The following PTDSS1 variants were observed in gnomAD, a reference collection of about 807,000 sequenced individuals.
The protein encoded by PTDSS1 is PSS-1.
Under a neutral mutation model 70.5 loss-of-function variants are expected in PTDSS1, and 45 were observed. The ratio of observed to expected loss-of-function variants is 0.64; its 90% confidence interval spans 0.50 to 0.82. PTDSS1 has a LOEUF of 0.82. PTDSS1 is among the 40% of genes least tolerant of loss of function. The pLI is 0.00. For missense variants in PTDSS1, 417 were observed against 586.1 expected, an observed-to-expected ratio of 0.71 and a Z score of 2.98; for synonymous variants, 188 against 203.8, an observed-to-expected ratio of 0.92 and a Z score of 0.66.
intron 7 of PTDSS1, among the ~76,000 whole-genome samples, chr8:96,304,953 T>G (rs883655): frequency 1.3e-5 from 2 of 152,210 alleles, no homozygotes; most frequent in African/African-American, 2.4e-5. Flanking sequence ...TTAGGACAGA[T>G]GATCTTCCTT....
intron 8 of PTDSS1, among the ~76,000 whole-genome samples, chr8:96,308,751 TAATAA>T (rs1811163393): frequency 6.6e-6 from 1 of 152,252 alleles, no homozygotes; most frequent in Non-Finnish European, 1.5e-5. Flanking sequence ...TTTAACATAT[TAATAA>T]AATGGATTTT....
intron 11 of PTDSS1, 44 bp from the exon 12 acceptor site, chr8:96,330,982 G>T: frequency 6.5e-7 from 1 of 1,544,444 alleles, no homozygotes; most frequent in Non-Finnish European, 8.9e-7. Flanking sequence ...ACTTCTCCCA[G>T]GGAGTTCCTA....
At chr8:96,310,968 G>A (rs1811203794) in intron 9 of PTDSS1, among the ~76,000 whole-genome samples, 1 of 152,020 alleles carries the variant, frequency 6.6e-6, no homozygotes, top group African/African-American at 2.4e-5. Flanking sequence ...GTTTCACCAT[G>A]TTGGCCAGGA....
rs767758866 is a variant in PTDSS1 at position 96,333,658 on chromosome 8, C to T, written c.*92C>T. ...AACTCCCCGTGAGGAGGTCGAGGCG[C>T]ACAGGGCAAGCAGGAAGAGGCGAGG... On this transcript the variant is annotated 3_prime_UTR_variant, in exon 13 of 13. Transcript: ENST00000517309. The T allele has an allele frequency of 1.6e-4, 203 of 1,244,786 alleles. No individual in the cohort carries two copies. The highest frequency in any genetic ancestry group is 2.1e-4 in the Non-Finnish European group (181 of 848,576). The allele number at this position is 1,244,786 out of a possible 1,614,324, so 77.1% of individuals were successfully genotyped here.
intron 1 of PTDSS1, among the ~76,000 whole-genome samples, chr8:96,270,213 G>A (rs1322265041): frequency 2.0e-5 from 3 of 152,122 alleles, no homozygotes; most frequent in African/African-American, 7.2e-5. Context: ...CTGCTATAGA[G>A]TGTTACAAAG....
chr8:96,287,139 A>C lies in PTDSS1; in HGVS notation c.434A>C (p.Asp145Ala). 6.2e-7 allele frequency: 1 copy of C among 1,614,180 alleles called. No individual in the cohort carries two copies. The highest frequency in any genetic ancestry group is 8.5e-7 in the Non-Finnish European group (1 of 1,180,004). ...CTTCGATACGCCACAAGGGAAGCAGATGTCATGGTATGTACTTGTCAGTGG... is the reference window on the plus strand; with the variant it reads ...CTTCGATACGCCACAAGGGAAGCAGCTGTCATGGTATGTACTTGTCAGTGG... Reference protein sequence around the residue: ...PNLRYATREADVMEYAVNCHV... With the variant: ...PNLRYATREAAVMEYAVNCHV... The change falls in exon 4 of 13, where the codon GAT (aspartate) becomes GCT (alanine). Residue 145 changes from aspartate to alanine, a missense_variant. Transcript: ENST00000517309.
intron 2 of PTDSS1, among the ~76,000 whole-genome samples, chr8:96,283,018 C>T (rs1396025375): frequency 6.6e-6 from 1 of 152,246 alleles, no homozygotes; most frequent in East Asian, 1.9e-4. Flanking sequence ...GGGCTATGGT[C>T]TGCCCCAGTG....
chr8:96,333,677 G>A lies in PTDSS1; in HGVS notation c.*111G>A. 1.0e-6 allele frequency: 1 copy of A among 1,002,332 alleles called. No homozygotes were observed. Among genetic ancestry groups the A allele is most frequent in the Non-Finnish European group, 1.6e-6 (1 of 635,590 alleles). The allele number at this position is 1,002,332 out of a possible 1,614,324, so 62.1% of individuals were successfully genotyped here. ...GAGGCGCACAGGGCAAGCAGGAAGA[G>A]GCGAGGGCACTTGGGGGTCATTATT... On this transcript the variant is annotated 3_prime_UTR_variant, in exon 13 of 13. Coordinates refer to ENST00000517309, the MANE Select transcript of PTDSS1 (RefSeq NM_014754.3).
At chr8:96,302,531 C>T (rs1171951838) in intron 6 of PTDSS1, among the ~76,000 whole-genome samples, 1 of 152,194 alleles carries the variant, frequency 6.6e-6, no homozygotes, top group Non-Finnish European at 1.5e-5. Context: ...GGACACACAG[C>T]TAGCAAGCAG....
intron 1 of PTDSS1, 64 bp from the exon 2 acceptor site, chr8:96,273,231 TCTTC>T: frequency 8.6e-7 from 1 of 1,165,794 alleles, no homozygotes; most frequent in South Asian, 1.5e-5. Context: ...AACATGGAAA[TCTTC>T]CTTCCTCTAG....
At chr8:96,278,545 C>T (rs1320648381) in intron 2 of PTDSS1, among the ~76,000 whole-genome samples, 1 of 152,188 alleles carries the variant, frequency 6.6e-6, no homozygotes, top group Non-Finnish European at 1.5e-5. Flanking sequence ...CCCTCTTCGC[C>T]TCTTCAGTTC....
At position 96,333,132 on chromosome 8, in the gene PTDSS1, T is replaced by G. The variant is rs58891344; in HGVS notation, c.1313-325T>G. Among the ~76,000 whole-genome samples, 5,062 of 152,256 alleles carry G rather than the reference T, an allele frequency of 0.033. 268 individuals carry two copies. The highest frequency in any genetic ancestry group is 0.11 in the African/African-American group (4,749 of 41,532). ...TGGTGTGTGTTTTAATTGCCCCTCGTTTGGGCTTCCGTTTCACTTGTGCTC... is the reference window on the plus strand; with the variant it reads ...TGGTGTGTGTTTTAATTGCCCCTCGGTTGGGCTTCCGTTTCACTTGTGCTC... On this transcript the variant is annotated intron_variant, in intron 12 of 12. Transcript: ENST00000517309.
At position 96,284,166 on chromosome 8, in the gene PTDSS1, T is replaced by C; in HGVS notation, c.316+13T>C. The C allele has an allele frequency of 6.3e-7, 1 of 1,594,886 alleles. No individual in the cohort carries two copies. Among genetic ancestry groups the C allele is most frequent in the Non-Finnish European group, 8.6e-7 (1 of 1,163,846 alleles). ...CGAATGGTTTTTGGTGAGTTTATAT[T>C]AGCAATGTAAAAGGATGTTCTATTT... On this transcript the variant is annotated intron_variant, in intron 3 of 12. Coordinates refer to ENST00000517309, the MANE Select transcript of PTDSS1 (RefSeq NM_014754.3).
chr8:96,333,543 A>G lies in PTDSS1; in HGVS notation c.1399A>G (p.Thr467Ala). Residue 467 changes from threonine to alanine, a missense_variant, in exon 13 of 13, where the codon ACC becomes GCC. Physicochemically the swap from Thr to Ala is moderately conservative, Grantham distance 58. Coordinates refer to ENST00000517309, the MANE Select transcript of PTDSS1 (RefSeq NM_014754.3). ...GAATCGGCATTCCAAGTCAAAAGTC[A>G]CCAATGGCGTTGGAAAGAAATGAAA... is the stretch of plus-strand genomic sequence containing the variant. ...RRNRHSKSKV[T>A]NGVGKK is the part of the protein sequence containing the mutation. 6.2e-7 allele frequency: 1 copy of G among 1,612,020 alleles called. No homozygotes were observed. Among genetic ancestry groups the G allele is most frequent in the Non-Finnish European group, 8.5e-7 (1 of 1,178,126 alleles).
chr8:96,333,931 C>G lies in PTDSS1; in HGVS notation c.*365C>G, dbSNP rs772182320. ...CGTAAACATCTTCCTTCAGACGAGG[C>G]ATTAACCCCATGGTTAATGGACTGG... On this transcript the variant is annotated 3_prime_UTR_variant, in exon 13 of 13. Transcript: ENST00000517309. 84 of 578,066 alleles carry G rather than the reference C, an allele frequency of 1.5e-4. No homozygotes were observed. Among genetic ancestry groups the G allele is most frequent in the Non-Finnish European group, 2.0e-4 (64 of 324,892 alleles). 35.8% of individuals were successfully genotyped at this position (578,066 alleles called of 1,614,324 possible).
intron 10 of PTDSS1, among the ~76,000 whole-genome samples, chr8:96,326,302 C>T (rs1178313638): frequency 6.6e-6 from 1 of 152,186 alleles, no homozygotes. Context: ...GTAGATAGCT[C>T]CCTCCTTGGG....
chr8:96,333,483 G>T lies in PTDSS1; in HGVS notation c.1339G>T (p.Ala447Ser). ...KGSEDSPPKH[A>S]GNNESHSSRR... The stretch of plus-strand genomic sequence containing the variant: ...TTCTGAAGACAGCCCACCCAAGCAT[G>T]CAGGCAACAACGAAAGCCATTCTTC... The change falls in exon 13 of 13, where the codon GCA becomes TCA. Residue 447 changes from alanine to serine, a missense_variant. Around this residue, in one of 3 missense-constraint regions of PTDSS1, gnomAD observed 107 missense variants for 122.3 expected, o/e 0.88. Transcript: ENST00000517309. 6.2e-7 allele frequency: 1 copy of T among 1,613,998 alleles called. No individual in the cohort carries two copies. Among genetic ancestry groups the T allele is most frequent in the South Asian group, 1.1e-5 (1 of 91,084 alleles).
chr8:96,295,360 C>A, intron 5 of PTDSS1, 104 bp downstream of exon 5: 3 of 1,262,758 alleles, frequency 2.4e-6, no homozygotes, highest in East Asian at 2.7e-5. Context: ...TTCTCCAGCC[C>A]CTGTGGTACA....
chr8:96,280,314 G>A (rs1810717089), intron 2 of PTDSS1, among the ~76,000 whole-genome samples: 1 of 152,174 alleles, frequency 6.6e-6, no homozygotes, highest in South Asian at 2.1e-4. Context: ...TCGAGGTCAG[G>A]AGTTTGAGAC....
Sources: allele counts gnomAD v4.1 joint callset (sites outside exome capture counted in the v4.1 genomes callset), GRCh38; gene constraint gnomAD v4.1.1; regional missense constraint gnomAD v4.1.1; transcripts MANE v1.5; gene names NCBI Gene and HGNC (gene_info 2026-07-23, HGNC 2026-07-21).